Variants in DSCAML1 observed in about 807,000 individuals in gnomAD.
The protein encoded by DSCAML1 is DS cell adhesion molecule like 1, also known as cell adhesion molecule DSCAML1.
A neutral mutation model predicts 200.5 loss-of-function variants in DSCAML1; 38 were observed. The observed-to-expected ratio is 0.19, with a 90% CI of 0.15 to 0.25. The LOEUF is 0.25. Among genes scored for constraint, DSCAML1 ranks in the 10% least tolerant of loss-of-function variants. The pLI is 1.00. For synonymous variants in DSCAML1, 1,215 were observed against 1,165.0 expected (o/e 1.04, Z -0.87); for missense variants, 2,223 against 2,858.8 (o/e 0.78, Z 5.07).
rs546977882 is a variant in DSCAML1, at chr11:117,573,785, A to G, written c.512-41263T>C. Among the ~76,000 whole-genome samples the G allele has an allele frequency of 2.0e-4, 31 of 152,358 alleles. 1 individual carries two copies. Among genetic ancestry groups the G allele is most frequent in the African/African-American group, 7.2e-4 (30 of 41,580 alleles). On this transcript the variant is annotated intron_variant, in intron 3 of 32. Coordinates refer to ENST00000651296, the MANE Select transcript of DSCAML1 (RefSeq NM_020693.4). Reference sequence around the variant, plus strand: ...GGTATCTCAAGAAGAGCATTGAAGGAGGATGCAGGCACCTTTTCCTGGTGA... The same window carrying G: ...GGTATCTCAAGAAGAGCATTGAAGGGGGATGCAGGCACCTTTTCCTGGTGA...
At chr11:117,640,020 G>T (rs1003328137) in intron 3 of DSCAML1, among the ~76,000 whole-genome samples, 1 of 152,168 alleles carries the variant, frequency 6.6e-6, no homozygotes, top group African/African-American at 2.4e-5. Flanking sequence ...GGGTGGGTGG[G>T]CTCGTGGAAT....
chr11:117,468,221 C>T (rs1407160132), intron 16 of DSCAML1, among the ~76,000 whole-genome samples: 4 of 152,146 alleles, frequency 2.6e-5, no homozygotes, highest in Admixed American at 6.5e-5. Flanking sequence ...AAAGCAGGGG[C>T]GATCCATCTC....
chr11:117,626,273 C>A (rs946578091), intron 3 of DSCAML1, among the ~76,000 whole-genome samples: 10 of 148,498 alleles, frequency 6.7e-5, no homozygotes, highest in African/African-American at 2.2e-4. Flanking sequence ...CCCTGCTCAA[C>A]CTTGGTCCCC....
At position 117,780,244 on chromosome 11, in the gene DSCAML1, GAA is replaced by G. The variant is rs1386783428; in HGVS notation, c.364+247_364+248del. Among the ~76,000 whole-genome samples the G allele has an allele frequency of 1.4e-5, 1 of 69,548 alleles. No individual in the cohort carries two copies. The highest frequency in any genetic ancestry group is 3.2e-5 in the Non-Finnish European group (1 of 31,088). The allele number at this position is 69,548 out of a possible 152,430, so 45.6% of individuals were successfully genotyped here. ...GAAAGAAAGAAAGGAAAGAAAGAAA[GAA>G]AGAAAGAAAGAAAGAAAGAAAGAAA... On this transcript the variant is annotated intron_variant, in intron 2 of 32. Coordinates refer to ENST00000651296, the MANE Select transcript of DSCAML1 (RefSeq NM_020693.4). This position sits in a 1 kb window ranked among gnomAD's most constrained non-coding sequence, Gnocchi z 4.8.
intron 3 of DSCAML1, among the ~76,000 whole-genome samples, chr11:117,547,288 G>T (rs921732858): frequency 6.6e-6 from 1 of 152,178 alleles, no homozygotes; most frequent in Non-Finnish European, 1.5e-5. Flanking sequence ...GATGCTCACG[G>T]TATAATAGAA....
chr11:117,648,022 C>G (rs2052552077), intron 3 of DSCAML1, among the ~76,000 whole-genome samples: 2 of 152,236 alleles, frequency 1.3e-5, no homozygotes, highest in African/African-American at 2.4e-5. Flanking sequence ...AGAAGCAGCC[C>G]TGGTGGGTGG....
At chr11:117,718,667 A>ACCCCCCCCCCCCCCCCC (rs1295109321) in intron 3 of DSCAML1, among the ~76,000 whole-genome samples, 2 of 22,272 alleles carry the variant, frequency 9.0e-5, no homozygotes, top group Non-Finnish European at 1.9e-4. Context: ...GAATACTCAA[A>ACCCCCCCCCCCCCCCCC]ACCCCCCCCC....
intron 3 of DSCAML1, among the ~76,000 whole-genome samples, chr11:117,601,238 A>G (rs2051460479): frequency 6.7e-6 from 1 of 149,890 alleles, no homozygotes; most frequent in Non-Finnish European, 1.5e-5. Context: ...CTGGTTCAGC[A>G]TTTCTGTCCT....
intron 24 of DSCAML1, 119 bp from the exon 25 acceptor site, chr11:117,438,202 T>G (rs1340690292): frequency 4.0e-6 from 4 of 1,008,678 alleles, no homozygotes; most frequent in Non-Finnish European, 5.7e-6. Context: ...AGGCTTTTGG[T>G]CATTGGAACG....
intron 1 of DSCAML1, among the ~76,000 whole-genome samples, chr11:117,789,685 C>T (rs576586866): frequency 6.6e-6 from 1 of 152,258 alleles, no homozygotes; most frequent in East Asian, 1.9e-4. Context: ...CTCAGATGGG[C>T]AGGACATCTG....
chr11:117,478,707 T>C (rs1470487012), intron 14 of DSCAML1, among the ~76,000 whole-genome samples: 1 of 152,242 alleles, frequency 6.6e-6, no homozygotes, highest in Non-Finnish European at 1.5e-5. Context: ...CTATGAGCCC[T>C]GTGCTAGATC....
chr11:117,749,214 G>T (rs989473072), intron 3 of DSCAML1, among the ~76,000 whole-genome samples: 1 of 152,214 alleles, frequency 6.6e-6, no homozygotes, highest in African/African-American at 2.4e-5. Flanking sequence ...GAGCCGGGAC[G>T]AGGGTTTGGA....
At position 117,694,629 on chromosome 11, in the gene DSCAML1, G is replaced by C. The variant is rs143975170; in HGVS notation, c.511+82162C>G. 2.0e-3 allele frequency among the ~76,000 whole-genome samples: 305 copies of C among 152,168 alleles called. 1 individual carries two copies. Among genetic ancestry groups the C allele is most frequent in the African/African-American group, 7.0e-3 (292 of 41,500 alleles). The stretch of plus-strand genomic sequence containing the variant: ...GGAGGTGAGAAAAGCTAGGTCTCTG[G>C]ACCATCTAGCCAAGGAGGTGTACAC... On this transcript the variant is annotated intron_variant, in intron 3 of 32. Coordinates refer to ENST00000651296, the MANE Select transcript of DSCAML1 (RefSeq NM_020693.4).
intron 3 of DSCAML1, among the ~76,000 whole-genome samples, chr11:117,575,669 T>C (rs2137446813): frequency 6.6e-6 from 1 of 151,678 alleles, no homozygotes; most frequent in East Asian, 1.9e-4. Flanking sequence ...TTGAGAACAA[T>C]AAAAAAAACC....
At chr11:117,512,261 G>C (rs989421666) in intron 8 of DSCAML1, among the ~76,000 whole-genome samples, 72 of 152,202 alleles carry the variant, frequency 4.7e-4, no homozygotes, top group Non-Finnish European at 2.6e-4. Context: ...GTGGGGTCTG[G>C]AGAGCTGCCC....
chr11:117,788,139 C>G (rs1389604317), intron 1 of DSCAML1, among the ~76,000 whole-genome samples: 1 of 152,180 alleles, frequency 6.6e-6, no homozygotes, highest in Non-Finnish European at 1.5e-5. Flanking sequence ...AGCATCAGAG[C>G]ATGTACCAGG....
intron 3 of DSCAML1, among the ~76,000 whole-genome samples, chr11:117,597,622 T>C (rs892187360): frequency 1.3e-5 from 2 of 152,090 alleles, no homozygotes; most frequent in African/African-American, 4.8e-5. Flanking sequence ...CTATTTGTTG[T>C]TGTTGTTGTT....
rs540329928 is a variant in DSCAML1, at chr11:117,592,629, C to T, written c.512-60107G>A. Among the ~76,000 whole-genome samples the T allele has an allele frequency of 9.2e-5, 14 of 152,308 alleles. No homozygotes were observed. The East Asian group carries it at 2.3e-3, about 25-fold the overall frequency. On this transcript the variant is annotated intron_variant, in intron 3 of 32. Coordinates refer to ENST00000651296, the MANE Select transcript of DSCAML1 (RefSeq NM_020693.4). ...ATTGTATTGAGCTAATAGTTACACA[C>T]CCTTCGTTACATGCTGGGCAATGTT...
At chr11:117,471,032 G>T (rs908633518) in intron 15 of DSCAML1, among the ~76,000 whole-genome samples, 2 of 152,218 alleles carry the variant, frequency 1.3e-5, no homozygotes, top group Non-Finnish European at 2.9e-5. Flanking sequence ...TACTTCAAGA[G>T]GAGGGGTGGT....
Sources: gnomAD v4.1 joint callset for allele counts (sites outside exome capture counted in the v4.1 genomes callset) on GRCh38, gnomAD v4.1.1 for gene constraint, Gnocchi (gnomAD v3.1) non-coding constraint, MANE v1.5 for transcripts, NCBI Gene and HGNC (gene_info 2026-07-23, HGNC 2026-07-21) for gene names.